The following LTV1 variants were observed in gnomAD, a reference collection of about 807,000 sequenced individuals.
LTV1 encodes the protein protein LTV1 homolog.
A neutral mutation model predicts 59.9 loss-of-function variants in LTV1; 39 were observed. The observed-to-expected ratio is 0.65, with a 90% CI of 0.50 to 0.85. The LOEUF is 0.85. LTV1 is among the 40% of genes least tolerant of loss of function. The pLI is 0.00. For synonymous variants in LTV1, 171 were observed against 189.5 expected (o/e 0.90, Z 0.80); for missense variants, 493 against 549.1 (o/e 0.90, Z 1.02).
rs562400101 is a variant in LTV1 at position 143,844,372 on chromosome 6, A to G, written c.4-114A>G. On this transcript the variant is annotated intron_variant, in intron 1 of 10. Coordinates refer to ENST00000367576, the MANE Select transcript of LTV1 (RefSeq NM_032860.5). ...GATGTTGCCTGCCCTAGAAGTGTAG[A>G]TTTTTAAAAAGTATCTTTAACATGA... 155 of 1,182,010 alleles carry G rather than the reference A, an allele frequency of 1.3e-4. 1 individual carries two copies. The African/African-American group carries it at 2.3e-3, about 17-fold the overall frequency. 73.2% of individuals were successfully genotyped at this position (1,182,010 alleles called of 1,614,324 possible). A position where few individuals can be genotyped will look rare whatever the true frequency, so the allele number is the denominator to read the frequency against.
chr6:143,854,435 G>A (rs181051124), intron 4 of LTV1, among the ~76,000 whole-genome samples: 3 of 152,026 alleles, frequency 2.0e-5, no homozygotes, highest in East Asian at 3.9e-4. Flanking sequence ...AAGGGTTTTC[G>A]TGTCTCTATC....
chr6:143,847,932 G>A (rs1184674398), intron 3 of LTV1, among the ~76,000 whole-genome samples: 1 of 152,194 alleles, frequency 6.6e-6, no homozygotes, highest in Non-Finnish European at 1.5e-5. Context: ...GTGTAAGACA[G>A]TGTAAAAAGG....
rs1582931454 is a variant in LTV1 at position 143,843,581 on chromosome 6, A to G, written c.3+101A>G. The G allele has an allele frequency of 4.7e-6, 7 of 1,478,990 alleles. No homozygotes were observed. The East Asian group carries it at 1.4e-4, about 29-fold the overall frequency. The allele number at this position is 1,478,990 out of a possible 1,614,324, so 91.6% of individuals were successfully genotyped here. On this transcript the variant is annotated intron_variant, in intron 1 of 10. Coordinates refer to ENST00000367576, the MANE Select transcript of LTV1 (RefSeq NM_032860.5). ...GGCTACTGCGGCCCGGGTCTGGGTC[A>G]TGCCAGAGGCTGCTTGCGGCACGGT... is the stretch of plus-strand genomic sequence containing the variant.
intron 7 of LTV1, among the ~76,000 whole-genome samples, chr6:143,861,502 G>A (rs1474551493): frequency 6.6e-6 from 1 of 152,054 alleles, no homozygotes; most frequent in Non-Finnish European, 1.5e-5. Flanking sequence ...AGTCTTTTGG[G>A]CTGAAGAATT....
In LTV1 at chr6:143,863,616, C is replaced by T. The variant is rs1176162711; in HGVS notation, c.*89C>T. On this transcript the variant is annotated 3_prime_UTR_variant, in exon 11 of 11. Coordinates refer to ENST00000367576, the MANE Select transcript of LTV1 (RefSeq NM_032860.5). This position sits in a 1 kb window ranked among gnomAD's most constrained non-coding sequence, Gnocchi z 4.5. ...AACTTCAGAAAGACAAAACTGTTTG[C>T]CATTTTTACTGGCAGATAAGAGGAA... 2 of 779,172 alleles carry T rather than the reference C, an allele frequency of 2.6e-6. No individual in the cohort carries two copies. The highest frequency in any genetic ancestry group is 4.5e-5 in the South Asian group (2 of 44,138). The allele number at this position is 779,172 out of a possible 1,614,324, so 48.3% of individuals were successfully genotyped here.
intron 4 of LTV1, among the ~76,000 whole-genome samples, chr6:143,853,988 C>G (rs147102600): frequency 0.027 from 4,125 of 152,284 alleles, 105 homozygotes; most frequent in Admixed American, 0.071. Flanking sequence ...AGAGGAGTCC[C>G]TCTTTTTCTA....
rs1335964106 is a variant in LTV1 at position 143,857,988 on chromosome 6, A to G, written c.776A>G (p.His259Arg). The G allele has an allele frequency of 4.3e-6, 7 of 1,614,060 alleles. No homozygotes were observed. The highest frequency in any genetic ancestry group is 5.9e-6 in the Non-Finnish European group (7 of 1,179,992). The change falls in exon 6 of 11, where the codon CAT becomes CGT. Residue 259 changes from histidine to arginine, a missense_variant. By Grantham distance (29) the His-to-Arg change is conservative (BLOSUM62 0). Transcript: ENST00000367576. This position sits in a 1 kb window ranked among gnomAD's most constrained non-coding sequence, Gnocchi z 5.2. Reference protein sequence around the residue: ...VMRRNEQLTLHDERFEKFYEQ... With the variant: ...VMRRNEQLTLRDERFEKFYEQ... ...AGGAGAAATGAACAGCTGACCCTACATGATGAGAGGTTTGAGAAGGTAAGG... is the reference window on the plus strand; with the variant it reads ...AGGAGAAATGAACAGCTGACCCTACGTGATGAGAGGTTTGAGAAGGTAAGG...
At position 143,862,828 on chromosome 6, in the gene LTV1, T is replaced by C. The variant is rs1777189700; in HGVS notation, c.1064-16T>C. ...AAACATGCTTACTGATACATGACTT[T>C]TATTTGTTTGTTTAGGTACATACTC... is the stretch of plus-strand genomic sequence containing the variant. On this transcript the variant is annotated splice_polypyrimidine_tract_variant and intron_variant, in intron 8 of 10. Transcript: ENST00000367576. This position sits in a 1 kb window ranked among gnomAD's most constrained non-coding sequence, Gnocchi z 4.2. The C allele has an allele frequency of 6.7e-7, 1 of 1,484,918 alleles. No homozygotes were observed. The highest frequency in any genetic ancestry group is 1.1e-5 in the South Asian group (1 of 88,322). The allele number at this position is 1,484,918 out of a possible 1,614,324, so 92.0% of individuals were successfully genotyped here.
intron 4 of LTV1, among the ~76,000 whole-genome samples, chr6:143,851,566 T>G (rs946758644): frequency 2.6e-5 from 4 of 152,158 alleles, no homozygotes; most frequent in Admixed American, 6.5e-5. Flanking sequence ...AAGCATCATT[T>G]CTTTTTTCAT....
chr6:143,851,405 A>C (rs1776981563), intron 4 of LTV1, among the ~76,000 whole-genome samples: 1 of 141,306 alleles, frequency 7.1e-6, no homozygotes, highest in Non-Finnish European at 1.5e-5. Context: ...CTGAAAGTAT[A>C]ACAGTCTAAA....
intron 4 of LTV1, among the ~76,000 whole-genome samples, chr6:143,856,425 G>A (rs1299320929): frequency 6.6e-6 from 1 of 152,114 alleles, no homozygotes; most frequent in Non-Finnish European, 1.5e-5. Flanking sequence ...ACCTTCTGAA[G>A]CATACTTCTG....
intron 3 of LTV1, among the ~76,000 whole-genome samples, chr6:143,847,058 G>A (rs755810996): frequency 2.0e-5 from 3 of 152,172 alleles, no homozygotes; most frequent in Non-Finnish European, 2.9e-5. Flanking sequence ...GACTCAGAAA[G>A]GTTAGGTTTC....
chr6:143,860,111 G>C (rs1043204926), intron 6 of LTV1, among the ~76,000 whole-genome samples: 6 of 152,006 alleles, frequency 3.9e-5, no homozygotes, highest in Admixed American at 1.3e-4. Context: ...AAAAGAAAAA[G>C]TATCTTCAAA....
intron 4 of LTV1, among the ~76,000 whole-genome samples, chr6:143,854,201 T>C: frequency 6.6e-6 from 1 of 152,226 alleles, no homozygotes; most frequent in East Asian, 1.9e-4. Context: ...TCCAGGAATT[T>C]ATCCATTTCT....
intron 3 of LTV1, among the ~76,000 whole-genome samples, chr6:143,847,230 C>T (rs532432268): frequency 6.6e-6 from 1 of 152,320 alleles, no homozygotes; most frequent in East Asian, 1.9e-4. Flanking sequence ...GACTTATTGG[C>T]TCACTTGCTT....
At chr6:143,848,342 GA>G (rs2128491049) in intron 3 of LTV1, among the ~76,000 whole-genome samples, 1 of 152,320 alleles carries the variant, frequency 6.6e-6, no homozygotes, top group African/African-American at 2.4e-5. Flanking sequence ...AATTGTATGT[GA>G]ATGATGTCTT....
intron 4 of LTV1, among the ~76,000 whole-genome samples, chr6:143,851,114 T>C (rs1388262928): frequency 6.6e-6 from 1 of 152,146 alleles, no homozygotes; most frequent in Non-Finnish European, 1.5e-5. Flanking sequence ...ACTATACACA[T>C]TTTAGCCTGC....
At chr6:143,845,163 A>G (rs915427154) in intron 2 of LTV1, among the ~76,000 whole-genome samples, 4 of 152,120 alleles carry the variant, frequency 2.6e-5, no homozygotes, top group African/African-American at 9.7e-5. Flanking sequence ...TGGTTAGCTC[A>G]GGGAACTTTG....
rs751325329 is a variant in LTV1 at position 143,862,095 on chromosome 6, G to A, written c.924-9G>A. On this transcript the variant is annotated splice_polypyrimidine_tract_variant and intron_variant, in intron 7 of 10. Transcript: ENST00000367576. The surrounding 1 kb of genome is among the most constrained non-coding windows in gnomAD (Gnocchi z 4.2). Reference sequence around the variant, plus strand: ...TCTTGGTCTTCACTTTTAAAAACTCGTCTAAAAGTTGTGTAAAATTGAATA... The same window carrying A: ...TCTTGGTCTTCACTTTTAAAAACTCATCTAAAAGTTGTGTAAAATTGAATA... 7.7e-5 allele frequency: 124 copies of A among 1,606,262 alleles called. No homozygotes were observed. Among genetic ancestry groups the A allele is most frequent in the African/African-American group, 1.7e-4 (13 of 74,504 alleles).
Sources: gnomAD v4.1 joint callset for allele counts (sites outside exome capture counted in the v4.1 genomes callset) on GRCh38, gnomAD v4.1.1 for gene constraint, Gnocchi (gnomAD v3.1) non-coding constraint, MANE v1.5 for transcripts, NCBI Gene and HGNC (gene_info 2026-07-23, HGNC 2026-07-21) for gene names.